Variants in MTHFD2L observed in about 807,000 individuals in gnomAD.
MTHFD2L encodes bifunctional methylenetetrahydrofolate dehydrogenase/cyclohydrolase 2, mitochondrial.
In MTHFD2L, 29 loss-of-function variants were observed where a neutral mutation model predicts 34.9. The ratio of observed to expected loss-of-function variants is 0.83; its 90% CI spans 0.62 to 1.13. MTHFD2L has a LOEUF of 1.13. Ranked by LOEUF, MTHFD2L falls within the 50% of genes most tolerant of loss-of-function variation. The pLI is 0.00. For missense variants in MTHFD2L, 481 were observed against 446.5 expected (o/e 1.08, Z -0.70); for synonymous variants, 167 against 155.7 (o/e 1.07, Z -0.54).
intron 3 of MTHFD2L, among the ~76,000 whole-genome samples, chr4:74,186,486 T>A (rs1284599174): frequency 6.7e-6 from 1 of 149,812 alleles, no homozygotes; most frequent in African/African-American, 2.5e-5. Flanking sequence ...TAAGTGAGTT[T>A]AGCAAGATTG....
At chr4:74,212,337 A>G (rs1371243671) in intron 5 of MTHFD2L, among the ~76,000 whole-genome samples, 3 of 152,318 alleles carry the variant, frequency 2.0e-5, no homozygotes, top group South Asian at 4.1e-4. Flanking sequence ...ATTTAGTGCT[A>G]TAAATTTTCC....
chr4:74,126,362 AAAG>A (rs1722072148), intron 1 of MTHFD2L, among the ~76,000 whole-genome samples: 2 of 152,164 alleles, frequency 1.3e-5, no homozygotes, highest in Non-Finnish European at 2.9e-5. Flanking sequence ...AGATTAATAA[AAAG>A]AAGATAATTA....
At chr4:74,153,144 G>C (rs923609848), upstream of MTHFD2L, among the ~76,000 whole-genome samples, 2 of 152,158 alleles carry the variant, frequency 1.3e-5, no homozygotes, top group African/African-American at 4.8e-5. Context: ...AGTAAGCTAT[G>C]CATCTGTCTG....
At chr4:74,289,490 T>C (rs1189484126) in intron 7 of MTHFD2L, among the ~76,000 whole-genome samples, 1 of 152,154 alleles carries the variant, frequency 6.6e-6, no homozygotes, top group African/African-American at 2.4e-5. Context: ...CAAGGAAGGA[T>C]ATTTGGATTA....
intron 6 of MTHFD2L, among the ~76,000 whole-genome samples, chr4:74,271,874 GA>G (rs202014137): frequency 0.022 from 3,382 of 152,240 alleles, 221 homozygotes; most frequent in Admixed American, 0.13. Flanking sequence ...TGTCCTTGAA[GA>G]GGTCTTTCAC....
At chr4:74,272,325 A>T (rs993363611) in intron 6 of MTHFD2L, among the ~76,000 whole-genome samples, 1 of 152,154 alleles carries the variant, frequency 6.6e-6, no homozygotes, top group African/African-American at 2.4e-5. Context: ...TAGTATGTTT[A>T]TTCCAAGGGG....
intron 6 of MTHFD2L, among the ~76,000 whole-genome samples, chr4:74,260,972 T>TA (rs1443249358): frequency 6.6e-6 from 1 of 150,718 alleles, no homozygotes; most frequent in Non-Finnish European, 1.5e-5. Context: ...TTTGGTGCTT[T>TA]AAAAAAATCT....
Position 74,175,433 on chromosome 4 carries a change from T to C in MTHFD2L, c.451+30T>C, listed in dbSNP as rs779758169. On this transcript the variant is annotated intron_variant, in intron 3 of 7. Coordinates refer to ENST00000325278, the MANE Select transcript of MTHFD2L (RefSeq NM_001144978.3). Reference sequence around the variant, plus strand: ...ATAATGCTCCTCTTATTTATCTGATTTTGTTAAAAGTGAAACAAAGGGCAT... The same window carrying C: ...ATAATGCTCCTCTTATTTATCTGATCTTGTTAAAAGTGAAACAAAGGGCAT... 3.2e-6 allele frequency: 5 copies of C among 1,582,684 alleles called. No individual in the cohort carries two copies. The African/African-American group carries it at 6.8e-5, about 22-fold the overall frequency.
intron 3 of MTHFD2L, among the ~76,000 whole-genome samples, chr4:74,197,520 T>C (rs1474986010): frequency 1.3e-5 from 2 of 152,160 alleles, no homozygotes; most frequent in African/African-American, 2.4e-5. Context: ...AGTTATCAAA[T>C]GTCTTATTAG....
At chr4:74,200,199 C>T (rs1734187326) in intron 4 of MTHFD2L, among the ~76,000 whole-genome samples, 2 of 152,088 alleles carry the variant, frequency 1.3e-5, no homozygotes, top group African/African-American at 4.8e-5. Context: ...GTAGTCCCAG[C>T]TACCTCGGAG....
intron 6 of MTHFD2L, among the ~76,000 whole-genome samples, chr4:74,251,885 G>T (rs1034978692): frequency 2.6e-5 from 4 of 152,180 alleles, no homozygotes; most frequent in Non-Finnish European, 2.9e-5. Context: ...AGAAAGAGAG[G>T]TCTCTGTAGA....
chr4:74,234,014 A>G (rs1740481683), intron 6 of MTHFD2L, among the ~76,000 whole-genome samples: 1 of 152,076 alleles, frequency 6.6e-6, no homozygotes. Context: ...TCAGTAAAGA[A>G]CAATTTATAT....
intron 3 of MTHFD2L, among the ~76,000 whole-genome samples, chr4:74,193,647 A>G (rs1560471744): frequency 6.6e-6 from 1 of 152,142 alleles, no homozygotes; most frequent in African/African-American, 2.4e-5. Context: ...CTCAAATTTT[A>G]AACAATTTAC....
chr4:74,214,464 C>T (rs1368286707), intron 5 of MTHFD2L, among the ~76,000 whole-genome samples: 1 of 151,694 alleles, frequency 6.6e-6, no homozygotes, highest in Non-Finnish European at 1.5e-5. Flanking sequence ...CTAACAGGCC[C>T]CTCTGCTGCA....
intron 3 of MTHFD2L, among the ~76,000 whole-genome samples, chr4:74,179,973 C>A (rs1729806173): frequency 6.6e-6 from 1 of 152,018 alleles, no homozygotes; most frequent in South Asian, 2.1e-4. Flanking sequence ...CATACTAATG[C>A]TTTTTAGTTC....
chr4:74,140,494 T>C (rs1301978044), intron 1 of MTHFD2L: 42 of 828,780 alleles, frequency 5.1e-5, no homozygotes, highest in Non-Finnish European at 6.0e-5. Flanking sequence ...ATTATTTTAA[T>C]TTTCTCAATT....
At chr4:74,131,932 A>T (rs577367020) in intron 1 of MTHFD2L, among the ~76,000 whole-genome samples, 86 of 152,366 alleles carry the variant, frequency 5.6e-4, no homozygotes, top group African/African-American at 2.0e-3. Context: ...GAAGGATGTG[A>T]ACAGACACTT....
At chr4:74,186,675 A>T (rs2110004754) in intron 3 of MTHFD2L, among the ~76,000 whole-genome samples, 1 of 152,198 alleles carries the variant, frequency 6.6e-6, no homozygotes, top group East Asian at 1.9e-4. Flanking sequence ...TCTGAGACAA[A>T]CTAAAGGAGG....
At chr4:74,196,691 G>A (rs947088404) in intron 3 of MTHFD2L, among the ~76,000 whole-genome samples, 1 of 152,054 alleles carries the variant, frequency 6.6e-6, no homozygotes, top group African/African-American at 2.4e-5. Flanking sequence ...GCTCATGCCT[G>A]TAATCCCAGC....
Sources: allele counts gnomAD v4.1 joint callset (sites outside exome capture counted in the v4.1 genomes callset), GRCh38; gene constraint gnomAD v4.1.1; transcripts MANE v1.5; gene names NCBI Gene and HGNC (gene_info 2026-07-23, HGNC 2026-07-21).